RANBP9: variants seen among roughly 807,000 people sequenced by gnomAD.
RANBP9 encodes RAN binding protein 9.
RANBP9 carries 15 observed loss-of-function variants against 84.3 expected under a neutral mutation model. That is an observed-to-expected ratio of 0.18 (90% CI 0.12 to 0.27). The LOEUF is 0.27. RANBP9 is among the 10% of genes least tolerant of loss of function. The probability of loss-of-function intolerance (pLI) is 1.00; values close to 1 mark genes in which losing one functional copy is unlikely to be tolerated. For synonymous variants in RANBP9, 392 were observed against 349.6 expected, an observed-to-expected ratio of 1.12 and a Z score of -1.35; for missense variants, 809 against 912.8, an observed-to-expected ratio of 0.89 and a Z score of 1.46.
intron 1 of RANBP9, among the ~76,000 whole-genome samples, chr6:13,707,828 T>C (rs1306822718): frequency 6.6e-6 from 1 of 152,252 alleles, no homozygotes; most frequent in African/African-American, 2.4e-5. Context: ...TTTATTAAAA[T>C]TATTTTCCCG....
At position 13,639,681 on chromosome 6, in the gene RANBP9, C is replaced by T. The variant is rs754144450; in HGVS notation, c.1407G>A (p.Lys469=). ...EVRCLGGRSP[K]SQDSYPVSPR... is the part of the protein sequence containing the mutation. ...GACTAACAGGATAACTGTCTTGAGA[C>T]TTTGGACTTCGGCCTCCCAAACATC... Residue 469 remains lysine, a synonymous_variant, in exon 9 of 14, where the codon AAG becomes AAA. Transcript: ENST00000011619. 6.2e-7 allele frequency: 1 copy of T among 1,613,866 alleles called. No homozygotes were observed. Among genetic ancestry groups the T allele is most frequent in the South Asian group, 1.1e-5 (1 of 91,070 alleles).
chr6:13,701,909 C>T (rs1464526205), intron 1 of RANBP9, among the ~76,000 whole-genome samples: 4 of 152,128 alleles, frequency 2.6e-5, no homozygotes, highest in Admixed American at 2.0e-4. Context: ...ACAGTCTGTA[C>T]TCTCCTCTCC....
chr6:13,700,648 TA>T (rs1000200724), intron 1 of RANBP9, among the ~76,000 whole-genome samples: 5 of 152,314 alleles, frequency 3.3e-5, no homozygotes, highest in African/African-American at 1.2e-4. Context: ...CACGTTTAAT[TA>T]TTTTTTCCCT....
intron 12 of RANBP9, among the ~76,000 whole-genome samples, chr6:13,627,630 C>CAAAAAAAAAAAAAAAAAAAAA: frequency 1.5e-5 from 1 of 66,402 alleles, no homozygotes; most frequent in East Asian, 4.5e-4. Context: ...ACTCCATCTC[C>CAAAAAAAAAAAAAAAAAAAAA]AAAAAAAAAA....
intron 10 of RANBP9, among the ~76,000 whole-genome samples, chr6:13,635,655 GA>G: frequency 6.6e-6 from 1 of 151,228 alleles, no homozygotes; most frequent in South Asian, 2.1e-4. Context: ...GGAAAAGGGG[GA>G]TATGGCCCTA....
chr6:13,665,445 T>C (rs1474459100), intron 2 of RANBP9, among the ~76,000 whole-genome samples: 1 of 152,244 alleles, frequency 6.6e-6, no homozygotes, highest in East Asian at 1.9e-4. Context: ...GAGATACAAC[T>C]GCATACCTGC....
intron 11 of RANBP9, among the ~76,000 whole-genome samples, chr6:13,633,073 C>A (rs1764838220): frequency 6.6e-6 from 1 of 151,352 alleles, no homozygotes; most frequent in South Asian, 2.1e-4. Flanking sequence ...CACACTCTGT[C>A]ACCCAAGCTG....
chr6:13,660,248 C>A (rs1435379797), intron 2 of RANBP9, among the ~76,000 whole-genome samples: 1 of 152,162 alleles, frequency 6.6e-6, no homozygotes, highest in African/African-American at 2.4e-5. Context: ...GAGGCTCACA[C>A]CTGGAATCCC....
intron 11 of RANBP9, chr6:13,632,838 T>A (rs1182752819): frequency 2.1e-4 from 25 of 121,584 alleles, no homozygotes; most frequent in African/African-American, 2.8e-4. Context: ...AAGCAACATT[T>A]AAAAAAAAAA....
intron 2 of RANBP9, among the ~76,000 whole-genome samples, chr6:13,659,259 C>CACAT (rs1765486068): frequency 2.6e-5 from 1 of 38,834 alleles, no homozygotes; most frequent in South Asian, 7.1e-4. Flanking sequence ...CACACACATA[C>CACAT]ACACACACAC....
intron 2 of RANBP9, among the ~76,000 whole-genome samples, chr6:13,686,104 C>G (rs1319168523): frequency 4.2e-3 from 11 of 2,632 alleles, no homozygotes; most frequent in Admixed American, 5.3e-3. Context: ...ATTTCTTCCC[C>G]CCCCCCCCCC....
chr6:13,701,656 G>T (rs1190150589), intron 1 of RANBP9, among the ~76,000 whole-genome samples: 1 of 151,970 alleles, frequency 6.6e-6, no homozygotes, highest in Non-Finnish European at 1.5e-5. Flanking sequence ...TGTATTCCCA[G>T]CTACTTGGGA....
At chr6:13,708,478 G>A (rs1193734475) in intron 1 of RANBP9, among the ~76,000 whole-genome samples, 1 of 151,950 alleles carries the variant, frequency 6.6e-6, no homozygotes, top group East Asian at 1.9e-4. Flanking sequence ...AATACCTTTG[G>A]AGCAAAAGAA....
chr6:13,665,206 A>G (rs1364432827), intron 2 of RANBP9, among the ~76,000 whole-genome samples: 1 of 152,218 alleles, frequency 6.6e-6, no homozygotes, highest in Non-Finnish European at 1.5e-5. Context: ...AGGATAAAGC[A>G]AAGATTTATT....
At chr6:13,710,274 G>A (rs1758239471) in intron 1 of RANBP9, among the ~76,000 whole-genome samples, 1 of 152,006 alleles carries the variant, frequency 6.6e-6, no homozygotes, top group African/African-American at 2.4e-5. Context: ...AACACCTAAG[G>A]ACCTGTATAG....
At chr6:13,679,060 A>G (rs1765966742) in intron 2 of RANBP9, among the ~76,000 whole-genome samples, 2 of 152,192 alleles carry the variant, frequency 1.3e-5, no homozygotes, top group Non-Finnish European at 2.9e-5. Context: ...TGTGATTAAA[A>G]AAAAAATTTG....
chr6:13,655,933 G>A (rs932731516), intron 4 of RANBP9, among the ~76,000 whole-genome samples: 1 of 152,148 alleles, frequency 6.6e-6, no homozygotes, highest in Non-Finnish European at 1.5e-5. Context: ...TTTGCATGGG[G>A]TCCTTAACAT....
chr6:13,689,512 G>A (rs1584944430), intron 2 of RANBP9, among the ~76,000 whole-genome samples: 1 of 152,110 alleles, frequency 6.6e-6, no homozygotes, highest in Non-Finnish European at 1.5e-5. Flanking sequence ...TATCTCAGGT[G>A]ATCCACCCGC....
intron 2 of RANBP9, among the ~76,000 whole-genome samples, chr6:13,664,467 T>TCTTTTC (rs1765603542): frequency 6.7e-6 from 1 of 150,274 alleles, no homozygotes; most frequent in African/African-American, 2.5e-5. Flanking sequence ...CTTTTCTTTT[T>TCTTTTC]TTTTAATCTG....
Sources: gnomAD v4.1 joint callset for allele counts (sites outside exome capture counted in the v4.1 genomes callset) on GRCh38, gnomAD v4.1.1 for gene constraint, MANE v1.5 for transcripts, NCBI Gene and HGNC (gene_info 2026-07-23, HGNC 2026-07-21) for gene names.